RHBDL3: variants seen among roughly 807,000 people sequenced by gnomAD.
RHBDL3 encodes rhomboid like 3, also known as rhomboid-related protein 3.
RHBDL3 carries 28 observed loss-of-function variants against 48.2 expected under a neutral mutation model. The observed-to-expected ratio is 0.58, with a 90% CI of 0.43 to 0.80. RHBDL3 has a LOEUF of 0.80. Among genes scored for constraint, RHBDL3 ranks in the 30% least tolerant of loss-of-function variants. The pLI is 0.00. For missense variants in RHBDL3, 464 were observed against 542.7 expected (o/e 0.85, Z 1.44); for synonymous variants, 208 against 232.3 (o/e 0.90, Z 0.95).
intron 6 of RHBDL3, among the ~76,000 whole-genome samples, chr17:32,299,476 C>T (rs1407504353): frequency 2.0e-5 from 3 of 152,182 alleles, no homozygotes; most frequent in African/African-American, 7.2e-5. Context: ...CAGACTTGTT[C>T]AGCCACCCAC....
chr17:32,320,470 C>G (rs1374185834), intron 8 of RHBDL3, among the ~76,000 whole-genome samples: 1 of 152,108 alleles, frequency 6.6e-6, no homozygotes, highest in Non-Finnish European at 1.5e-5. Context: ...ATTACGGGAG[C>G]CCACCACCAC....
In RHBDL3 at chr17:32,321,257, G is replaced by A; in HGVS notation, c.*28G>A. On this transcript the variant is annotated 3_prime_UTR_variant, in exon 9 of 9. Coordinates refer to ENST00000269051, the MANE Select transcript of RHBDL3 (RefSeq NM_138328.3). ...GCTGGAGGCCCAAGGTCGGGGAGGG[G>A]AGGGAAAAGCAGCACCCACAGGGAG... The A allele has an allele frequency of 6.2e-7, 1 of 1,613,882 alleles. No individual in the cohort carries two copies. The highest frequency in any genetic ancestry group is 1.1e-5 in the South Asian group (1 of 91,070).
chr17:32,290,915 C>T (rs146527989), intron 4 of RHBDL3, among the ~76,000 whole-genome samples: 2 of 144,802 alleles, frequency 1.4e-5, no homozygotes, highest in Non-Finnish European at 1.5e-5. Flanking sequence ...GCAAGAGGAT[C>T]GCTTCAGCCC....
In RHBDL3 at chr17:32,321,040, G is replaced by A. The variant is rs577805372; in HGVS notation, c.1026G>A (p.Ala342=). 28 of 1,614,146 alleles carry A rather than the reference G, an allele frequency of 1.7e-5. No individual in the cohort carries two copies. The highest frequency in any genetic ancestry group is 5.0e-5 in the Admixed American group (3 of 60,024). The change falls in exon 9 of 9, where the codon GCG becomes GCA. Residue 342 remains alanine, a synonymous_variant. Coordinates refer to ENST00000269051, the MANE Select transcript of RHBDL3 (RefSeq NM_138328.3). The stretch of plus-strand genomic sequence containing the variant: ...CGTGCCCTCACCCAAGCTTTGTGGC[G>A]CACTTGGGTGGCGTGGCCGTGGGCA... ...YPPCPHPSFV[A]HLGGVAVGIT...
chr17:32,305,119 AAAAG>A (rs548730181), intron 6 of RHBDL3, among the ~76,000 whole-genome samples: 11 of 151,152 alleles, frequency 7.3e-5, no homozygotes, highest in Non-Finnish European at 1.3e-4. Flanking sequence ...CCTTGTCTCA[AAAAG>A]AAAGAAAGAA....
Position 32,294,331 on chromosome 17 carries a change from A to G in RHBDL3, c.557A>G (p.Gln186Arg). The G allele has an allele frequency of 1.9e-6, 3 of 1,613,998 alleles. No individual in the cohort carries two copies. Among genetic ancestry groups the G allele is most frequent in the Non-Finnish European group, 2.5e-6 (3 of 1,179,998 alleles). The part of the protein sequence containing the change: ...FFLYNGVSLG[Q>R]FVLQVTHPRY... ...CTCTACAATGGGGTGTCACTAGGTC[A>G]ATTTGTACTGCAGGTAACTCATCCA... The change falls in exon 5 of 9, where the codon CAA (glutamine) becomes CGA (arginine). Residue 186 changes from glutamine (Q) to arginine (R), a missense_variant. Gln to Arg is a conservative substitution (Grantham distance 43). Transcript: ENST00000269051.
At chr17:32,318,313 G>A (rs2041023732) in intron 8 of RHBDL3, among the ~76,000 whole-genome samples, 2 of 148,740 alleles carry the variant, frequency 1.3e-5, no homozygotes, top group Admixed American at 1.4e-4. Flanking sequence ...GTGACAGAGC[G>A]AGACCTTGCC....
chr17:32,281,466 C>T (rs999835699), intron 2 of RHBDL3, among the ~76,000 whole-genome samples: 3 of 152,070 alleles, frequency 2.0e-5, no homozygotes, highest in Non-Finnish European at 4.4e-5. Context: ...ACAAGCTGTG[C>T]CGCAGACCAA....
At chr17:32,274,502 A>T (rs964231937) in intron 2 of RHBDL3, among the ~76,000 whole-genome samples, 1 of 152,184 alleles carries the variant, frequency 6.6e-6, no homozygotes, top group South Asian at 2.1e-4. Context: ...GTCTAACTGC[A>T]TGCTTATAAA....
chr17:32,267,849 G>A, intron 1 of RHBDL3, 53 bp from the exon 2 acceptor site: 1 of 1,613,686 alleles, frequency 6.2e-7, no homozygotes, highest in East Asian at 2.2e-5. Flanking sequence ...TGATAAGTGT[G>A]TCTTTCTTTC....
chr17:32,288,893 G>T lies in RHBDL3; in HGVS notation c.396G>T (p.Ser132=). Residue 132 remains serine (S), a synonymous_variant, in exon 4 of 9, where the codon TCG becomes TCT. Coordinates refer to ENST00000269051, the MANE Select transcript of RHBDL3 (RefSeq NM_138328.3). ...ALLEEKGLSL[S]QRLIRHVAYE... is the part of the protein sequence containing the mutation. ...TGGAGGAGAAGGGGCTGAGCCTCTC[G>T]CAGCGACTTATCCGCCATGTGGCCT... The T allele has an allele frequency of 1.2e-6, 2 of 1,614,218 alleles. No homozygotes were observed. Among genetic ancestry groups the T allele is most frequent in the Non-Finnish European group, 1.7e-6 (2 of 1,180,040 alleles).
chr17:32,278,601 G>C (rs2039969127), intron 2 of RHBDL3, among the ~76,000 whole-genome samples: 1 of 152,166 alleles, frequency 6.6e-6, no homozygotes, highest in Non-Finnish European at 1.5e-5. Flanking sequence ...CAGCACTCTA[G>C]TGATGGGAGA....
At chr17:32,296,419 A>G (rs1175487589) in intron 5 of RHBDL3, among the ~76,000 whole-genome samples, 1 of 123,904 alleles carries the variant, frequency 8.1e-6, no homozygotes, top group East Asian at 2.6e-4. Context: ...CACTGCAGCC[A>G]CCACCTCCTG....
At chr17:32,308,839 G>A (rs991363712) in intron 7 of RHBDL3, among the ~76,000 whole-genome samples, 31 of 151,396 alleles carry the variant, frequency 2.0e-4, no homozygotes, top group African/African-American at 7.3e-5. Context: ...AGGCCGAGGC[G>A]GGTGGATCAC....
chr17:32,316,496 C>T (rs1292476412), intron 8 of RHBDL3, among the ~76,000 whole-genome samples: 1 of 151,880 alleles, frequency 6.6e-6, no homozygotes, highest in Non-Finnish European at 1.5e-5. Flanking sequence ...ATTTATTTAT[C>T]TATTTTTAAA....
Position 32,321,143 on chromosome 17 carries a change from A to G in RHBDL3, c.1129A>G (p.Met377Val). 4.3e-6 allele frequency: 7 copies of G among 1,614,026 alleles called. No homozygotes were observed. Among genetic ancestry groups the G allele is most frequent in the Non-Finnish European group, 5.9e-6 (7 of 1,179,838 alleles). The change falls in exon 9 of 9, where the codon ATG (methionine) becomes GTG (valine). Residue 377 changes from methionine to valine, a missense_variant. Coordinates refer to ENST00000269051, the MANE Select transcript of RHBDL3 (RefSeq NM_138328.3). ...DQSLWWIFVA[M>V]YTVFVLFAVF... Reference sequence around the variant, plus strand: ...GTCACTGTGGTGGATTTTTGTGGCCATGTACACCGTCTTCGTGCTGTTCGC... The same window carrying G: ...GTCACTGTGGTGGATTTTTGTGGCCGTGTACACCGTCTTCGTGCTGTTCGC...
intron 7 of RHBDL3, among the ~76,000 whole-genome samples, chr17:32,307,299 T>C (rs114495628): frequency 1.8e-3 from 277 of 152,308 alleles, no homozygotes; most frequent in African/African-American, 6.5e-3. Flanking sequence ...GCATAGCTTT[T>C]CTTTGGGGTC....
rs963038142 is a variant in RHBDL3, at chr17:32,322,905, G to C, written c.*1676G>C. 6.6e-6 allele frequency: 1 copy of C among 152,576 alleles called. No individual in the cohort carries two copies. The highest frequency in any genetic ancestry group is 2.4e-5 in the African/African-American group (1 of 41,452). 9.5% of individuals were successfully genotyped at this position (152,576 alleles called of 1,614,324 possible). On this transcript the variant is annotated 3_prime_UTR_variant, in exon 9 of 9. Coordinates refer to ENST00000269051, the MANE Select transcript of RHBDL3 (RefSeq NM_138328.3). The stretch of plus-strand genomic sequence containing the variant: ...GAACGCCAGGCCTGGGAGGAGGCAG[G>C]GGGGCTGGGCGTGTCCAGAAACAGG...
intron 2 of RHBDL3, among the ~76,000 whole-genome samples, chr17:32,269,323 G>C (rs981056128): frequency 1.3e-5 from 2 of 152,214 alleles, no homozygotes; most frequent in Non-Finnish European, 2.9e-5. Context: ...ACTCCAACCT[G>C]AGTGACAGAG....
Sources: gnomAD v4.1 joint callset for allele counts (sites outside exome capture counted in the v4.1 genomes callset) on GRCh38, gnomAD v4.1.1 for gene constraint, MANE v1.5 for transcripts, NCBI Gene and HGNC (gene_info 2026-07-23, HGNC 2026-07-21) for gene names.